ISY1: variants seen among roughly 807,000 people sequenced by gnomAD.
ISY1 encodes the protein pre-mRNA-splicing factor ISY1 homolog.
ISY1 carries 12 observed loss-of-function variants against 54.4 expected under a neutral mutation model. The ratio of observed to expected loss-of-function variants is 0.22; its 90% CI spans 0.14 to 0.36. ISY1 has a LOEUF of 0.36. ISY1 is among the 10% of genes least tolerant of loss of function. The probability of loss-of-function intolerance (pLI) is 1.00; values close to 1 mark genes in which losing one functional copy is unlikely to be tolerated. For synonymous variants in ISY1, 96 were observed against 117.9 expected (o/e 0.81, Z 1.20); for missense variants, 282 against 342.2 (o/e 0.82, Z 1.39).
chr3:129,157,511 G>C (rs1392365874), intron 3 of ISY1, among the ~76,000 whole-genome samples: 1 of 152,028 alleles, frequency 6.6e-6, no homozygotes, highest in Admixed American at 6.6e-5. Flanking sequence ...CTGAGGCCTG[G>C]AGTTTGAGAC....
intron 5 of ISY1, among the ~76,000 whole-genome samples, chr3:129,149,850 T>C (rs549284404): frequency 8.2e-4 from 122 of 149,380 alleles, no homozygotes; most frequent in Non-Finnish European, 1.5e-3. Context: ...GGCATGCGTC[T>C]GCAGTCTCAG....
intron 5 of ISY1, among the ~76,000 whole-genome samples, chr3:129,150,043 C>T (rs1451629997): frequency 1.3e-5 from 2 of 151,144 alleles, no homozygotes; most frequent in African/African-American, 2.4e-5. Context: ...ACTTCTAATT[C>T]TGTTTCTTTG....
chr3:129,138,858 C>A (rs1936518604), intron 7 of ISY1, among the ~76,000 whole-genome samples: 1 of 151,590 alleles, frequency 6.6e-6, no homozygotes. Flanking sequence ...CTGGAGGGAA[C>A]AATGCCCTAA....
chr3:129,153,930 C>A (rs1230167136), intron 5 of ISY1, among the ~76,000 whole-genome samples: 1 of 151,912 alleles, frequency 6.6e-6, no homozygotes, highest in Non-Finnish European at 1.5e-5. Flanking sequence ...CATGGTGAAA[C>A]CCTGTCTCTA....
intron 9 of ISY1, among the ~76,000 whole-genome samples, chr3:129,131,034 T>C (rs921568546): frequency 3.3e-5 from 5 of 152,220 alleles, no homozygotes; most frequent in African/African-American, 1.2e-4. Context: ...AGAGGTTGCC[T>C]ATGAGTCAAT....
intron 5 of ISY1, among the ~76,000 whole-genome samples, chr3:129,151,112 A>C (rs1438922074): frequency 6.7e-6 from 1 of 149,582 alleles, no homozygotes; most frequent in Non-Finnish European, 1.5e-5. Flanking sequence ...ACAGAGGAAG[A>C]CTCTGTCTCA....
chr3:129,155,200 T>C (rs1482184837), intron 5 of ISY1, among the ~76,000 whole-genome samples: 2 of 150,994 alleles, frequency 1.3e-5, no homozygotes, highest in African/African-American at 2.5e-5. Context: ...ATATATGTAT[T>C]TTTTGTTTGT....
chr3:129,159,708 G>A (rs1238077710), intron 1 of ISY1, among the ~76,000 whole-genome samples: 1 of 152,210 alleles, frequency 6.6e-6, no homozygotes, highest in Non-Finnish European at 1.5e-5. Context: ...AGTCTAGGTA[G>A]AAAGAGTCCT....
chr3:129,151,147 TA>T (rs1180072956), intron 5 of ISY1, among the ~76,000 whole-genome samples: 2 of 146,444 alleles, frequency 1.4e-5, no homozygotes, highest in Non-Finnish European at 3.0e-5. Flanking sequence ...TATATATAAA[TA>T]TATAAAATAT....
Position 129,159,120 on chromosome 3 carries a change from A to G in ISY1, c.26+34T>C, listed in dbSNP as rs1937230139. ...GTTACATGGTGGTTTTTAAGTTACA[A>G]AAAATTTACAGCCAAAAACAAGTTG... On this transcript the variant is annotated intron_variant, in intron 2 of 10. Coordinates refer to ENST00000393295, the MANE Select transcript of ISY1 (RefSeq NM_020701.4). The G allele has an allele frequency of 2.5e-6, 4 of 1,603,012 alleles. No homozygotes were observed. In the South Asian group the frequency reaches 4.6e-5, roughly 18 times the overall value.
At position 129,128,463 on chromosome 3, in the gene ISY1, G is replaced by T; in HGVS notation, c.*1618C>A. ...CCCAGCCTCCTCCTGACCTGGTCCT[G>T]CCTGGGCCTCTCCTTGTGGCCGCAC... On this transcript the variant is annotated 3_prime_UTR_variant, in exon 11 of 11. Coordinates refer to ENST00000393295, the MANE Select transcript of ISY1 (RefSeq NM_020701.4). The T allele has an allele frequency of 6.5e-6, 1 of 153,382 alleles. No homozygotes were observed. The highest frequency in any genetic ancestry group is 1.5e-5 in the Non-Finnish European group (1 of 68,772). 9.5% of individuals were successfully genotyped at this position (153,382 alleles called of 1,614,324 possible).
At chr3:129,147,058 CAA>C (rs762063515) in intron 5 of ISY1, among the ~76,000 whole-genome samples, 26 of 127,458 alleles carry the variant, frequency 2.0e-4, no homozygotes, top group Admixed American at 1.6e-4. Context: ...GACCGCCATT[CAA>C]AAAAAAAAAA....
chr3:129,145,909 A>T, intron 5 of ISY1, 36 bp from the exon 6 acceptor site: 1 of 1,605,862 alleles, frequency 6.2e-7, no homozygotes, highest in Non-Finnish European at 8.5e-7. Flanking sequence ...TCATTCCATA[A>T]AAATGAATGT....
chr3:129,149,788 CAAAAAAA>C (rs369302599), intron 5 of ISY1, among the ~76,000 whole-genome samples: 1 of 83,574 alleles, frequency 1.2e-5, no homozygotes, highest in African/African-American at 4.7e-5. Context: ...GACTCCAACT[CAAAAAAA>C]AAAAAAAAAA....
chr3:129,147,133 G>A (rs1346003666), intron 5 of ISY1, among the ~76,000 whole-genome samples: 1 of 151,682 alleles, frequency 6.6e-6, no homozygotes, highest in Non-Finnish European at 1.5e-5. Context: ...CCAGCCTTTC[G>A]GGAGGCAGAG....
At chr3:129,132,746 G>C (rs1330471703) in intron 9 of ISY1, among the ~76,000 whole-genome samples, 1 of 152,198 alleles carries the variant, frequency 6.6e-6, no homozygotes, top group Admixed American at 6.5e-5. Context: ...TGGCTCACAG[G>C]AGCCATGAAT....
chr3:129,149,579 T>G (rs1282342178), intron 5 of ISY1, among the ~76,000 whole-genome samples: 1 of 75,968 alleles, frequency 1.3e-5, no homozygotes. Context: ...AAACCCCGTC[T>G]CTACTAAAAA....
At chr3:129,153,500 A>G (rs1937037523) in intron 5 of ISY1, among the ~76,000 whole-genome samples, 1 of 151,950 alleles carries the variant, frequency 6.6e-6, no homozygotes, top group Non-Finnish European at 1.5e-5. Flanking sequence ...AAATTTCTTC[A>G]GGGCTGGGCG....
At chr3:129,150,545 A>G (rs998787195) in intron 5 of ISY1, among the ~76,000 whole-genome samples, 2 of 152,014 alleles carry the variant, frequency 1.3e-5, no homozygotes, top group African/African-American at 4.8e-5. Flanking sequence ...CCTCGTCTCT[A>G]CTAAAAATAC....
Sources: allele counts gnomAD v4.1 joint callset (sites outside exome capture counted in the v4.1 genomes callset), GRCh38; gene constraint gnomAD v4.1.1; transcripts MANE v1.5; gene names NCBI Gene and HGNC (gene_info 2026-07-23, HGNC 2026-07-21).